TCFL5: variants seen among roughly 807,000 people sequenced by gnomAD.
The protein encoded by TCFL5 is transcription factor like 5, also known as transcription factor-like 5 protein.
A neutral mutation model predicts 44.3 loss-of-function variants in TCFL5; 9 were observed. The observed-to-expected ratio is 0.20, with a 90% confidence interval of 0.12 to 0.35. The LOEUF is 0.35. Among genes scored for constraint, TCFL5 ranks in the 10% least tolerant of loss-of-function variants. The probability of loss-of-function intolerance (pLI) is 1.00; values close to 1 mark genes in which losing one functional copy is unlikely to be tolerated. For missense variants in TCFL5, 603 were observed against 613.4 expected, an observed-to-expected ratio of 0.98 and a Z score of 0.18; for synonymous variants, 319 against 271.6, an observed-to-expected ratio of 1.17 and a Z score of -1.72.
chr20:62,861,699 AGGGCGACGC>A lies in TCFL5; in HGVS notation c.-38_-30del, dbSNP rs2064016171. On this transcript the variant is annotated 5_prime_UTR_variant, in exon 1 of 6. Coordinates refer to ENST00000335351, the MANE Select transcript of TCFL5 (RefSeq NM_006602.4). The surrounding 1 kb of genome is among the most constrained non-coding windows in gnomAD (Gnocchi z 4.0). ...GGCGCGGCGCGGCCCAACGGCGGCG[AGGGCGACGC>A]GGGCGGCGGGCGGCGGGAGGCGGGA... 5.7e-6 allele frequency: 1 copy of A among 174,548 alleles called. No homozygotes were observed. The highest frequency in any genetic ancestry group is 7.2e-5 in the Admixed American group (1 of 13,914). 10.8% of individuals were successfully genotyped at this position (174,548 alleles called of 1,614,324 possible).
intron 5 of TCFL5, among the ~76,000 whole-genome samples, chr20:62,849,644 G>C (rs1699025022): frequency 1.3e-5 from 2 of 151,970 alleles, no homozygotes; most frequent in South Asian, 4.2e-4. Context: ...GGGCAACATA[G>C]CAAGACCCTA....
At chr20:62,850,859 G>A (rs1185361812) in intron 5 of TCFL5, among the ~76,000 whole-genome samples, 7 of 151,970 alleles carry the variant, frequency 4.6e-5, no homozygotes, top group Non-Finnish European at 1.0e-4. Context: ...CGCCTCCCTC[G>A]ACCACCCAAC....
chr20:62,861,579 G>C lies in TCFL5; in HGVS notation c.92C>G (p.Ala31Gly), dbSNP rs368842247. The part of the protein sequence containing the change: ...AVEGAGGGDA[A>G]LGEPGLSFTT... ...GAAGCTCAGCCCCGGCTCGCCCAGC[G>C]CCGCGTCCCCGCCGCCCGCGCCCTC... is the stretch of plus-strand genomic sequence containing the variant. Residue 31 changes from alanine to glycine, a missense_variant, in exon 1 of 6, where the codon GCG becomes GGG. Around this residue, in one of 4 missense-constraint regions of TCFL5, gnomAD observed 540 missense variants for 478.7 expected, o/e 1.13. Coordinates refer to ENST00000335351, the MANE Select transcript of TCFL5 (RefSeq NM_006602.4). This position sits in a 1 kb window ranked among gnomAD's most constrained non-coding sequence, Gnocchi z 4.0. The C allele has an allele frequency of 1.9e-5, 21 of 1,088,074 alleles. 1 individual carries two copies. The African/African-American group carries it at 3.6e-4, about 18-fold the overall frequency. 67.4% of individuals were successfully genotyped at this position (1,088,074 alleles called of 1,614,324 possible).
intron 5 of TCFL5, among the ~76,000 whole-genome samples, chr20:62,847,093 G>C (rs1454244488): frequency 6.6e-6 from 1 of 151,172 alleles, no homozygotes; most frequent in African/African-American, 2.4e-5. Flanking sequence ...TGAGGCAGGA[G>C]AATTGCTTGA....
At chr20:62,856,772 G>C (rs1422567266) in intron 4 of TCFL5, among the ~76,000 whole-genome samples, 1 of 148,236 alleles carries the variant, frequency 6.7e-6, no homozygotes, top group South Asian at 2.1e-4. Context: ...GTAAGCAGCA[G>C]TTACCAAAAC....
chr20:62,857,554 C>G lies in TCFL5; in HGVS notation c.1079G>C (p.Gly360Ala). 2 of 1,614,122 alleles carry G rather than the reference C, an allele frequency of 1.2e-6. No individual in the cohort carries two copies. The highest frequency in any genetic ancestry group is 4.5e-5 in the East Asian group (2 of 44,906). Residue 360 changes from glycine (G) to alanine (A), a missense_variant, in exon 4 of 6, where the codon GGA becomes GCA. Gly to Ala is a moderately conservative substitution (Grantham distance 60). Coordinates refer to ENST00000335351, the MANE Select transcript of TCFL5 (RefSeq NM_006602.4). ...ACCTTCGCCCACATTCTGAATCTCT[C>G]CAAGGGCTCTTCGCTCTACATTTGT... is the stretch of plus-strand genomic sequence containing the variant. ...LDTNVERRAL[G>A]EIQNVGEGAT...
In TCFL5 at chr20:62,841,842, A is replaced by G. The variant is rs888474517; in HGVS notation, c.*133T>C. The G allele has an allele frequency of 1.1e-5, 14 of 1,218,648 alleles. No homozygotes were observed. The South Asian group carries it at 1.9e-4, about 16-fold the overall frequency. 75.5% of individuals were successfully genotyped at this position (1,218,648 alleles called of 1,614,324 possible). A position where few individuals can be genotyped will look rare whatever the true frequency, so the allele number is the denominator to read the frequency against. Reference sequence around the variant, plus strand: ...TACAAAATGTGCTCTCAAAGTCCCTACTGGAGTCCCGTCAGCTTGAGTCAC... The same window carrying G: ...TACAAAATGTGCTCTCAAAGTCCCTGCTGGAGTCCCGTCAGCTTGAGTCAC... On this transcript the variant is annotated 3_prime_UTR_variant, in exon 6 of 6. Coordinates refer to ENST00000335351, the MANE Select transcript of TCFL5 (RefSeq NM_006602.4).
chr20:62,859,039 A>G (rs1386903078), intron 3 of TCFL5, among the ~76,000 whole-genome samples: 1 of 152,350 alleles, frequency 6.6e-6, no homozygotes, highest in East Asian at 1.9e-4. Flanking sequence ...CGAGTATAAC[A>G]TAAGGAAAAT....
chr20:62,856,705 C>CAAAAAA (rs11470406), intron 4 of TCFL5, among the ~76,000 whole-genome samples: 1 of 100,264 alleles, frequency 1.0e-5, no homozygotes, highest in African/African-American at 3.9e-5. Context: ...GACTCCGTCT[C>CAAAAAA]AAAAAAAAAA....
chr20:62,854,832 C>A (rs761232360), intron 4 of TCFL5, among the ~76,000 whole-genome samples: 10 of 152,202 alleles, frequency 6.6e-5, no homozygotes, highest in Non-Finnish European at 1.3e-4. Flanking sequence ...CACCTTCACA[C>A]CCGTCTATTT....
At chr20:62,849,058 C>A (rs1273551132) in intron 5 of TCFL5, among the ~76,000 whole-genome samples, 1 of 152,102 alleles carries the variant, frequency 6.6e-6, no homozygotes, top group Non-Finnish European at 1.5e-5. Flanking sequence ...GTCCTAGCTA[C>A]TCAAGAGGCT....
chr20:62,844,274 A>G (rs1415432776), intron 5 of TCFL5, among the ~76,000 whole-genome samples: 1 of 152,200 alleles, frequency 6.6e-6, no homozygotes, highest in South Asian at 2.1e-4. Flanking sequence ...CCATCCTAGT[A>G]TGTGTAAAAG....
At position 62,842,076 on chromosome 20, in the gene TCFL5, C is replaced by A. The variant is rs1308942436; in HGVS notation, c.1402G>T (p.Gly468Cys). Residue 468 changes from glycine to cysteine, a missense_variant, in exon 6 of 6, where the codon GGT becomes TGT. By Grantham distance (159) the Gly-to-Cys change is radical. Transcript: ENST00000335351. This position sits in a 1 kb window ranked among gnomAD's most constrained non-coding sequence, Gnocchi z 4.3. ...LKKEFESVFC[G>C]KTGRRLKLTR... ...AGCTTTAGCCTTCGGCCAGTTTTACCGCAAAATACGCTCTCAAATTCCTGC... is the reference window on the plus strand; with the variant it reads ...AGCTTTAGCCTTCGGCCAGTTTTACAGCAAAATACGCTCTCAAATTCCTGC... 1.9e-6 allele frequency: 3 copies of A among 1,614,004 alleles called. No individual in the cohort carries two copies. The South Asian group carries it at 3.3e-5, about 18-fold the overall frequency.
intron 2 of TCFL5, 106 bp from the exon 3 acceptor site, chr20:62,859,632 A>C: frequency 9.6e-7 from 1 of 1,039,640 alleles, no homozygotes. Context: ...CTAACACGTA[A>C]TTTGAAGAAC....
At chr20:62,850,730 G>A (rs139468066) in intron 5 of TCFL5, among the ~76,000 whole-genome samples, 1,981 of 152,206 alleles carry the variant, frequency 0.013, 31 homozygotes, top group African/African-American at 0.045. Context: ...GGTCCACCAG[G>A]CCCCAGCCTG....
In TCFL5 at chr20:62,842,434, AC is replaced by A. The variant is rs1405652575; in HGVS notation, c.1381-338del. The stretch of plus-strand genomic sequence containing the variant: ...TGGGCCCTAGCTAATAAACCTGTAA[AC>A]CCAGCGTGTGAGAGAAGGTAGAGTG... On this transcript the variant is annotated intron_variant, in intron 5 of 5. Coordinates refer to ENST00000335351, the MANE Select transcript of TCFL5 (RefSeq NM_006602.4). The surrounding 1 kb of genome is among the most constrained non-coding windows in gnomAD (Gnocchi z 4.3). Among the ~76,000 whole-genome samples, 3 of 152,240 alleles carry A rather than the reference AC, an allele frequency of 2.0e-5. No homozygotes were observed. The highest frequency in any genetic ancestry group is 2.9e-5 in the Non-Finnish European group (2 of 68,026).
intron 5 of TCFL5, chr20:62,845,857 C>A: frequency 6.3e-7 from 1 of 1,580,042 alleles, no homozygotes; most frequent in East Asian, 2.3e-5. Context: ...GATCAGTTTG[C>A]GTGTGGAGAA....
chr20:62,841,876 C>G lies in TCFL5; in HGVS notation c.*99G>C. 6.6e-7 allele frequency: 1 copy of G among 1,513,122 alleles called. No individual in the cohort carries two copies. Among genetic ancestry groups the G allele is most frequent in the Non-Finnish European group, 8.9e-7 (1 of 1,124,088 alleles). The allele number at this position is 1,513,122 out of a possible 1,614,324, so 93.7% of individuals were successfully genotyped here. A position where few individuals can be genotyped will look rare whatever the true frequency, so the allele number is the denominator to read the frequency against. On this transcript the variant is annotated 3_prime_UTR_variant, in exon 6 of 6. Coordinates refer to ENST00000335351, the MANE Select transcript of TCFL5 (RefSeq NM_006602.4). ...CCGTCAGCTTGAGTCACGCCCTTTT[C>G]GAGTCAGACTAGCCGAGCAGAGCTC... is the stretch of plus-strand genomic sequence containing the variant.
intron 5 of TCFL5, chr20:62,845,222 A>G: frequency 1.2e-6 from 1 of 867,266 alleles, no homozygotes; most frequent in Non-Finnish European, 1.4e-6. Flanking sequence ...CCTGGGTTCA[A>G]CTGATTCTCC....
Sources: gnomAD v4.1 joint callset for allele counts (sites outside exome capture counted in the v4.1 genomes callset) on GRCh38, gnomAD v4.1.1 for gene constraint, gnomAD v4.1.1 regional missense constraint, Gnocchi (gnomAD v3.1) non-coding constraint, MANE v1.5 for transcripts, NCBI Gene and HGNC (gene_info 2026-07-23, HGNC 2026-07-21) for gene names.